UCP3: variants seen among roughly 807,000 people sequenced by gnomAD.
The protein encoded by UCP3 is putative mitochondrial transporter UCP3.
Under a neutral mutation model 28.1 loss-of-function variants are expected in UCP3, and 24 were observed. The ratio of observed to expected loss-of-function variants is 0.85; its 90% CI spans 0.62 to 1.20. UCP3 has a LOEUF of 1.20. Ranked by LOEUF, UCP3 falls within the 50% of genes most tolerant of loss-of-function variation. The pLI, the probability that UCP3 is intolerant of heterozygous loss-of-function variation, is 0.00. For synonymous variants in UCP3, 184 were observed against 171.2 expected (o/e 1.07, Z -0.59); for missense variants, 397 against 422.2 (o/e 0.94, Z 0.52).
At chr11:74,003,292 A>C (rs1951634373) in intron 6 of UCP3, among the ~76,000 whole-genome samples, 1 of 152,240 alleles carries the variant, frequency 6.6e-6, no homozygotes, top group Admixed American at 6.5e-5. Context: ...ACAAGGCAGG[A>C]GGTGATAAAT....
At position 74,001,339 on chromosome 11, in the gene UCP3, C is replaced by A; in HGVS notation, c.*73G>T. 7.2e-7 allele frequency: 1 copy of A among 1,387,784 alleles called. No homozygotes were observed. Among genetic ancestry groups the A allele is most frequent in the African/African-American group, 1.4e-5 (1 of 70,428 alleles). 86.0% of individuals were successfully genotyped at this position (1,387,784 alleles called of 1,614,324 possible). ...ATGTGTGGGTCTGTGTCCATGTGTG[C>A]GTGGATGCACCGTTTTCTTCCATTC... is the stretch of plus-strand genomic sequence containing the variant. On this transcript the variant is annotated 3_prime_UTR_variant, in exon 7 of 7. Transcript: ENST00000314032.
At chr11:74,007,380 G>A in intron 1 of UCP3, 1 of 279,604 alleles carries the variant, frequency 3.6e-6, no homozygotes, top group Non-Finnish European at 7.0e-6. Context: ...TACCTGCACT[G>A]TATACATGAG....
chr11:74,004,832 G>GT (rs1194875949), intron 4 of UCP3, among the ~76,000 whole-genome samples: 21 of 152,200 alleles, frequency 1.4e-4, no homozygotes, highest in African/African-American at 5.1e-4. Flanking sequence ...GCCCACTTGT[G>GT]TTCATTTGGC....
rs1418466988 is a variant in UCP3, at chr11:74,001,205, AGTGCAAAACAAAG to A, written c.*194_*206del. On this transcript the variant is annotated 3_prime_UTR_variant, in exon 7 of 7. Transcript: ENST00000314032. Reference sequence around the variant, plus strand: ...AATATAATTTATTTTCCATCTTGTCAGTGCAAAACAAAGGTGTTCTTGAGGCATGGCAGTGAAG... The same window carrying A: ...AATATAATTTATTTTCCATCTTGTCAGTGTTCTTGAGGCATGGCAGTGAAG... 1 of 580,996 alleles carries A rather than the reference AGTGCAAAACAAAG, an allele frequency of 1.7e-6. No homozygotes were observed. The highest frequency in any genetic ancestry group is 1.9e-5 in the African/African-American group (1 of 53,532). 36.0% of individuals were successfully genotyped at this position (580,996 alleles called of 1,614,324 possible).
At chr11:74,006,413 T>A in intron 2 of UCP3, 34 bp from the exon 3 acceptor site, 1 of 1,503,348 alleles carries the variant, frequency 6.7e-7, no homozygotes, top group Non-Finnish European at 8.8e-7. Context: ...AGGACTCAGA[T>A]GGGAAGGCAA....
intron 1 of UCP3, among the ~76,000 whole-genome samples, chr11:74,007,856 C>T (rs1253537243): frequency 6.6e-6 from 1 of 152,158 alleles, no homozygotes; most frequent in East Asian, 1.9e-4. Context: ...CAATCTTCTT[C>T]CCAATTCACT....
At chr11:74,008,092 G>A (rs1211597507) in intron 1 of UCP3, among the ~76,000 whole-genome samples, 1 of 152,234 alleles carries the variant, frequency 6.6e-6, no homozygotes, top group African/African-American at 2.4e-5. Context: ...AAGGCTACAA[G>A]TAGTTGCTAT....
chr11:74,002,910 TAAGA>T (rs1951631549), intron 6 of UCP3: 1 of 985,344 alleles, frequency 1.0e-6, no homozygotes, highest in Non-Finnish European at 1.2e-6. Flanking sequence ...AGGGCCAAGC[TAAGA>T]GCTTACCAGT....
chr11:74,001,907 G>A (rs992770926), intron 6 of UCP3: 1 of 280,930 alleles, frequency 3.6e-6, no homozygotes, highest in Non-Finnish European at 6.9e-6. Flanking sequence ...CCACCCTGCT[G>A]CTGGGTGTTT....
chr11:74,005,550 T>A (rs2135388403), intron 4 of UCP3, among the ~76,000 whole-genome samples, 180 bp downstream of exon 4: 1 of 152,318 alleles, frequency 6.6e-6, no homozygotes, highest in East Asian at 1.9e-4. Flanking sequence ...AAAGGGCTGG[T>A]AAAATGAACT....
At chr11:74,003,477 C>T (rs918611459) in intron 6 of UCP3, 9 of 1,010,690 alleles carry the variant, frequency 8.9e-6, no homozygotes, top group East Asian at 9.9e-5. Context: ...TGCAAGAAAA[C>T]GTGGAGCGTG....
chr11:74,006,924 C>T lies in UCP3; in HGVS notation c.119G>A (p.Arg40His), dbSNP rs573218240. 5.5e-5 allele frequency: 89 copies of T among 1,614,162 alleles called. 1 individual carries two copies. The South Asian group carries it at 8.7e-4, about 16-fold the overall frequency. Residue 40 changes from arginine (R) to histidine (H), a missense_variant, in exon 2 of 7, where the codon CGC (arginine) becomes CAC (histidine). Transcript: ENST00000314032. Reference sequence around the variant, plus strand: ...TGGCCAAAGGGCACCTACCTGCAGGCGGACCTTGGCTGTGTCCAGTGGAAA... The same window carrying T: ...TGGCCAAAGGGCACCTACCTGCAGGTGGACCTTGGCTGTGTCCAGTGGAAA... ...VTFPLDTAKVRLQIQGENQAV... is the reference protein window; with the variant it reads ...VTFPLDTAKVHLQIQGENQAV...
intron 4 of UCP3, 57 bp from the exon 5 acceptor site, chr11:74,004,642 A>G: frequency 6.6e-7 from 1 of 1,513,308 alleles, no homozygotes; most frequent in Non-Finnish European, 9.1e-7. Context: ...GGAATGGGAA[A>G]TGGGAGAAAT....
chr11:74,003,803 T>C (rs951437126), intron 6 of UCP3, 24 bp downstream of exon 6: 181 of 1,557,192 alleles, frequency 1.2e-4, no homozygotes, highest in Non-Finnish European at 1.5e-4. Flanking sequence ...TGGGAGGGAG[T>C]GCTGGAGGCA....
Position 74,004,569 on chromosome 11 carries a change from G to C in UCP3, c.558C>G (p.Ile186Met), listed in dbSNP as rs1951646182. The change falls in exon 5 of 7, where the codon ATC becomes ATG. Residue 186 changes from isoleucine to methionine, a missense_variant. Transcript: ENST00000314032. Reference sequence around the variant, plus strand: ...CACAGTTGACGATAGCATTCCTCATGATGTTGGGCAAAGTTCCTGTTAGGA... The same window carrying C: ...CACAGTTGACGATAGCATTCCTCATCATGTTGGGCAAAGTTCCTGTTAGGA... ...RGLWKGTLPN[I>M]MRNAIVNCAE... 1 of 1,613,544 alleles carries C rather than the reference G, an allele frequency of 6.2e-7. No individual in the cohort carries two copies. The highest frequency in any genetic ancestry group is 1.3e-5 in the African/African-American group (1 of 74,934).
chr11:74,008,777 C>G (rs569117370), intron 1 of UCP3, among the ~76,000 whole-genome samples: 1 of 152,250 alleles, frequency 6.6e-6, no homozygotes, highest in East Asian at 1.9e-4. Flanking sequence ...CAAGCCCCAG[C>G]CCTGCCACAG....
intron 4 of UCP3, 144 bp from the exon 5 acceptor site, chr11:74,004,729 T>A: frequency 1.5e-6 from 1 of 688,276 alleles, no homozygotes; most frequent in Non-Finnish European, 2.5e-6. Context: ...AGCCAGAGGA[T>A]CCCACCCCAG....
At chr11:74,008,116 T>G (rs1951680812) in intron 1 of UCP3, among the ~76,000 whole-genome samples, 1 of 152,192 alleles carries the variant, frequency 6.6e-6, no homozygotes, top group Non-Finnish European at 1.5e-5. Flanking sequence ...TATTCTCATT[T>G]CGTAAACCAG....
Position 74,004,346 on chromosome 11 carries a change from C to T in UCP3, c.643+138G>A, listed in dbSNP as rs1005653776. 14 of 817,606 alleles carry T rather than the reference C, an allele frequency of 1.7e-5. No individual in the cohort carries two copies. The African/African-American group carries it at 2.1e-4, about 12-fold the overall frequency. 50.6% of individuals were successfully genotyped at this position (817,606 alleles called of 1,614,324 possible). ...TTTCCTGCTTGTCACCACAATGTAC[C>T]TGGCACTTTTTACTAGGCACTGCTT... On this transcript the variant is annotated intron_variant, in intron 5 of 6. Transcript: ENST00000314032.
Sources: allele counts gnomAD v4.1 joint callset (sites outside exome capture counted in the v4.1 genomes callset), GRCh38; gene constraint gnomAD v4.1.1; transcripts MANE v1.5; gene names NCBI Gene and HGNC (gene_info 2026-07-23, HGNC 2026-07-21).